SHCBP1L: variants seen among roughly 807,000 people sequenced by gnomAD.
The protein encoded by SHCBP1L is testicular spindle-associated protein SHCBP1L.
A neutral mutation model predicts 62.5 loss-of-function variants in SHCBP1L; 67 were observed. The observed-to-expected ratio is 1.07, with a 90% CI of 0.88 to 1.31. SHCBP1L has a LOEUF of 1.31. Ranked by LOEUF, SHCBP1L falls within the 40% of genes most tolerant of loss-of-function variation. The pLI, the probability that SHCBP1L is intolerant of heterozygous loss-of-function variation, is 0.00. For synonymous variants in SHCBP1L, 284 were observed against 289.4 expected, an observed-to-expected ratio of 0.98 and a Z score of 0.19; for missense variants, 823 against 809.8, an observed-to-expected ratio of 1.02 and a Z score of -0.20.
At position 182,940,151 on chromosome 1, in the gene SHCBP1L, A is replaced by T. The variant is rs573375788; in HGVS notation, c.770+178T>A. On this transcript the variant is annotated intron_variant, in intron 3 of 9. Transcript: ENST00000367547. ...CCCATATATAATGTTTCTGCAAGGA[A>T]ATGTTTTTACTAAAAGTTACAAATA... Among the ~76,000 whole-genome samples the T allele has an allele frequency of 1.1e-3, 173 of 152,326 alleles. 1 individual carries two copies. The highest frequency in any genetic ancestry group is 2.2e-3 in the Non-Finnish European group (153 of 68,034).
chr1:182,910,554 G>A (rs73044362), intron 6 of SHCBP1L, among the ~76,000 whole-genome samples: 1,605 of 152,298 alleles, frequency 0.011, 30 homozygotes, highest in African/African-American at 0.037. Flanking sequence ...AACACAGAAA[G>A]AGACAAGCAA....
At position 182,905,506 on chromosome 1, in the gene SHCBP1L, G is replaced by A. The variant is rs1363519635; in HGVS notation, c.1326C>T (p.Ile442=). The change falls in exon 7 of 10, where the codon ATC becomes ATT. Residue 442 remains isoleucine (I), a synonymous_variant. Transcript: ENST00000367547. ...GGATGCCCTGCTAACCCTTTATAAT[G>A]ATGTCATCTGTCAACAAAGCAAGAT... ...AANLALLTDD[I]IIKGVGKREE... The A allele has an allele frequency of 3.1e-6, 5 of 1,613,598 alleles. No homozygotes were observed. Among genetic ancestry groups the A allele is most frequent in the Non-Finnish European group, 3.4e-6 (4 of 1,179,782 alleles).
intron 6 of SHCBP1L, among the ~76,000 whole-genome samples, chr1:182,915,544 A>G (rs891263737): frequency 6.6e-6 from 1 of 152,182 alleles, no homozygotes; most frequent in Non-Finnish European, 1.5e-5. Flanking sequence ...CAGAAGAACA[A>G]TAAGGAAATA....
intron 2 of SHCBP1L, among the ~76,000 whole-genome samples, chr1:182,948,435 G>C (rs1247131621): frequency 1.3e-5 from 2 of 152,170 alleles, no homozygotes; most frequent in Non-Finnish European, 2.9e-5. Context: ...TGCCTTTTTA[G>C]CCTGCAGTGA....
At chr1:182,943,116 T>C (rs1430523383) in intron 2 of SHCBP1L, among the ~76,000 whole-genome samples, 1 of 151,866 alleles carries the variant, frequency 6.6e-6, no homozygotes, top group Non-Finnish European at 1.5e-5. Context: ...AATATTTTAG[T>C]TCTCTCTCTT....
intron 6 of SHCBP1L, among the ~76,000 whole-genome samples, chr1:182,925,805 C>G (rs1173715219): frequency 6.6e-6 from 1 of 152,138 alleles, no homozygotes; most frequent in Admixed American, 6.6e-5. Flanking sequence ...AGAAACAACT[C>G]AGATATCCAC....
intron 5 of SHCBP1L, among the ~76,000 whole-genome samples, chr1:182,934,287 A>G (rs1220144814): frequency 6.6e-6 from 1 of 152,146 alleles, no homozygotes; most frequent in African/African-American, 2.4e-5. Flanking sequence ...AAGAGGCAGT[A>G]CCATTTTGCA....
chr1:182,917,761 C>T (rs1392523620), intron 6 of SHCBP1L, among the ~76,000 whole-genome samples: 1 of 152,120 alleles, frequency 6.6e-6, no homozygotes, highest in African/African-American at 2.4e-5. Context: ...AGGGCCAACC[C>T]TAATGGCTTC....
intron 3 of SHCBP1L, 96 bp from the exon 4 acceptor site, chr1:182,939,649 T>A (rs1166549587): frequency 2.3e-6 from 2 of 874,082 alleles, no homozygotes; most frequent in Non-Finnish European, 3.4e-6. Flanking sequence ...TCTACCTCAA[T>A]CTTAATTCTT....
At chr1:182,937,100 T>C (rs1354166021) in intron 5 of SHCBP1L, among the ~76,000 whole-genome samples, 2 of 151,782 alleles carry the variant, frequency 1.3e-5, no homozygotes, top group African/African-American at 4.8e-5. Flanking sequence ...AATAAAATAA[T>C]TTATTTTACC....
chr1:182,947,925 C>A (rs1014808728), intron 2 of SHCBP1L, among the ~76,000 whole-genome samples: 1 of 152,190 alleles, frequency 6.6e-6, no homozygotes, highest in Non-Finnish European at 1.5e-5. Flanking sequence ...GATCCTCCTG[C>A]CTTGGGCTCC....
At chr1:182,902,497 GAGTT>G (rs781529205) in intron 9 of SHCBP1L, among the ~76,000 whole-genome samples, 7 of 152,054 alleles carry the variant, frequency 4.6e-5, no homozygotes, top group Non-Finnish European at 1.0e-4. Flanking sequence ...ATAAAACAAA[GAGTT>G]AGAATGTTCT....
At chr1:182,940,230 T>C in intron 3 of SHCBP1L, 99 bp downstream of exon 3, 2 of 945,220 alleles carry the variant, frequency 2.1e-6, no homozygotes, top group Non-Finnish European at 3.2e-6. Context: ...GAGTGAAAAT[T>C]AAATCAGTAA....
intron 6 of SHCBP1L, among the ~76,000 whole-genome samples, chr1:182,907,878 C>A (rs982517492): frequency 3.3e-5 from 5 of 151,994 alleles, no homozygotes; most frequent in Admixed American, 6.6e-5. Context: ...TGCACCCAGC[C>A]TTTTTTTATT....
chr1:182,910,547 A>C (rs78706794), intron 6 of SHCBP1L, among the ~76,000 whole-genome samples: 3,344 of 152,290 alleles, frequency 0.022, 123 homozygotes, highest in African/African-American at 0.076. Flanking sequence ...CGCAAAGAAC[A>C]CAGAAAGAGA....
chr1:182,952,644 T>A, intron 1 of SHCBP1L, 85 bp downstream of exon 1: 1 of 1,452,602 alleles, frequency 6.9e-7, no homozygotes. Flanking sequence ...TGGATCCCCA[T>A]CCGCCTAAGA....
chr1:182,912,315 A>C (rs1407618721), intron 6 of SHCBP1L, among the ~76,000 whole-genome samples: 1 of 152,162 alleles, frequency 6.6e-6, no homozygotes, highest in Non-Finnish European at 1.5e-5. Flanking sequence ...TAAATAAATA[A>C]ACTGGGTTCC....
intron 5 of SHCBP1L, among the ~76,000 whole-genome samples, chr1:182,935,466 TA>T (rs968064539): frequency 1.9e-4 from 29 of 152,212 alleles, no homozygotes; most frequent in African/African-American, 6.8e-4. Flanking sequence ...TGCTGGTATA[TA>T]AAAAAGCAGT....
intron 3 of SHCBP1L, 64 bp downstream of exon 3, chr1:182,940,265 C>A (rs1651312711): frequency 2.9e-6 from 4 of 1,396,906 alleles, no homozygotes; most frequent in African/African-American, 2.9e-5. Flanking sequence ...ATTATATGAA[C>A]AAAACCTTCA....
Sources: allele counts gnomAD v4.1 joint callset (sites outside exome capture counted in the v4.1 genomes callset), GRCh38; gene constraint gnomAD v4.1.1; transcripts MANE v1.5; gene names NCBI Gene and HGNC (gene_info 2026-07-23, HGNC 2026-07-21).